MYT1: variants seen among roughly 807,000 people sequenced by gnomAD.
The protein encoded by MYT1 is myelin transcription factor I.
Under a neutral mutation model 123.0 loss-of-function variants are expected in MYT1, and 23 were observed. The ratio of observed to expected loss-of-function variants is 0.19; its 90% CI spans 0.13 to 0.26. The LOEUF (loss-of-function observed/expected upper bound fraction) is 0.26, where lower values mean the gene tolerates loss of function less well. MYT1 is among the 10% of genes least tolerant of loss of function. The probability of loss-of-function intolerance (pLI) is 1.00; values close to 1 mark genes in which losing one functional copy is unlikely to be tolerated. For synonymous variants in MYT1, 518 were observed against 575.3 expected (o/e 0.90, Z 1.43); for missense variants, 1,125 against 1,472.5 (o/e 0.76, Z 3.86).
chr20:64,205,431 A>C (rs1160040623), intron 5 of MYT1, 122 bp from the exon 6 acceptor site: 2 of 1,445,452 alleles, frequency 1.4e-6, no homozygotes, highest in Admixed American at 4.4e-5. Flanking sequence ...GGTTCCCTGC[A>C]AGGACTGGAT....
At chr20:64,211,098 C>T (rs1983653236) in intron 7 of MYT1, 108 bp from the exon 8 acceptor site, 3 of 1,293,970 alleles carry the variant, frequency 2.3e-6, no homozygotes, top group East Asian at 5.0e-5. Flanking sequence ...GCAGTCTCGC[C>T]TCCCTTCTCT....
In MYT1 at chr20:64,193,144, A is replaced by T. The variant is rs917570704; in HGVS notation, c.-1+2984A>T. ...TTCAGAATTTCAGACATGCAACAGG[A>T]CATCACCCAATGTGAGGACAGAACT... On this transcript the variant is annotated intron_variant, in intron 2 of 22. Transcript: ENST00000328439. This position sits in a 1 kb window ranked among gnomAD's most constrained non-coding sequence, Gnocchi z 4.0. Among the ~76,000 whole-genome samples the T allele has an allele frequency of 1.3e-5, 2 of 152,206 alleles. No individual in the cohort carries two copies. The highest frequency in any genetic ancestry group is 2.9e-5 in the Non-Finnish European group (2 of 68,036).
rs146209139 is a variant in MYT1, at chr20:64,210,344, T to C, written c.1292-862T>C. 1.0e-3 allele frequency among the ~76,000 whole-genome samples: 156 copies of C among 152,282 alleles called. 1 individual carries two copies. Among genetic ancestry groups the C allele is most frequent in the African/African-American group, 3.7e-3 (152 of 41,546 alleles). On this transcript the variant is annotated intron_variant, in intron 7 of 22. Coordinates refer to ENST00000328439, the MANE Select transcript of MYT1 (RefSeq NM_004535.3). ...TGCGGTTCTGGTTCTGAGGGACTGATGTTGGGGCACAGATGCTGCGAGAAT... is the reference window on the plus strand; with the variant it reads ...TGCGGTTCTGGTTCTGAGGGACTGACGTTGGGGCACAGATGCTGCGAGAAT...
chr20:64,230,702 C>T (rs915391545), intron 18 of MYT1, among the ~76,000 whole-genome samples: 2 of 152,326 alleles, frequency 1.3e-5, no homozygotes, highest in African/African-American at 4.8e-5. Context: ...GTGAACTTCC[C>T]AAAGCTCCCA....
intron 13 of MYT1, among the ~76,000 whole-genome samples, chr20:64,221,063 G>T (rs1983987280): frequency 6.6e-6 from 1 of 152,202 alleles, no homozygotes; most frequent in Non-Finnish European, 1.5e-5. Context: ...ATTATCCGAA[G>T]ACTGTTATTA....
rs1424517544 is a variant in MYT1, at chr20:64,196,723, T to C, written c.1-2139T>C. On this transcript the variant is annotated intron_variant, in intron 2 of 22. Transcript: ENST00000328439. The surrounding 1 kb of genome is among the most constrained non-coding windows in gnomAD (Gnocchi z 4.3). ...CAGAAGGAGCGGCAGAGCTGTCAGC[T>C]TCATCAACGGGAGCTCACAGTTTTC... is the stretch of plus-strand genomic sequence containing the variant. 6.6e-6 allele frequency among the ~76,000 whole-genome samples: 1 copy of C among 152,116 alleles called. No individual in the cohort carries two copies. Among genetic ancestry groups the C allele is most frequent in the African/African-American group, 2.4e-5 (1 of 41,366 alleles).
chr20:64,194,862 G>A (rs1983062042), intron 2 of MYT1, among the ~76,000 whole-genome samples: 1 of 152,136 alleles, frequency 6.6e-6, no homozygotes, highest in Non-Finnish European at 1.5e-5. Context: ...TTAGACACGA[G>A]TGGTTTGTTA....
Position 64,208,399 on chromosome 20 carries a change from G to A in MYT1, c.1203G>A (p.Pro401=), listed in dbSNP as rs141506407. 8 of 1,613,446 alleles carry A rather than the reference G, an allele frequency of 5.0e-6. No homozygotes were observed. The African/African-American group carries it at 5.3e-5, about 11-fold the overall frequency. The part of the protein sequence containing the change: ...QVRTVCEPGC[P]PAEQSQLGLG... ...GCACAGTCTGCGAGCCGGGCTGCCC[G>A]CCTGCCGAGCAGAGCCAGCTGGGCC... The change falls in exon 7 of 23, where the codon CCG becomes CCA. Residue 401 remains proline (P), a synonymous_variant. Transcript: ENST00000328439. This position sits in a 1 kb window ranked among gnomAD's most constrained non-coding sequence, Gnocchi z 5.4.
intron 1 of MYT1, among the ~76,000 whole-genome samples, chr20:64,170,904 G>T (rs1412836123): frequency 4.5e-4 from 54 of 120,592 alleles, no homozygotes; most frequent in Non-Finnish European, 5.7e-4. Flanking sequence ...GAGAGAGAGA[G>T]AGAGAGAGAG....
Position 64,241,426 on chromosome 20 carries a change from A to G in MYT1, c.*978A>G, listed in dbSNP as rs1020496194. The G allele has an allele frequency of 1.3e-5, 2 of 152,610 alleles. No individual in the cohort carries two copies. The highest frequency in any genetic ancestry group is 2.9e-5 in the Non-Finnish European group (2 of 68,046). 9.5% of individuals were successfully genotyped at this position (152,610 alleles called of 1,614,324 possible). ...TTTAATTTAATGTGTTAAAAACACAATGTCCCTACCGTGTAAATAGAATCC... is the reference window on the plus strand; with the variant it reads ...TTTAATTTAATGTGTTAAAAACACAGTGTCCCTACCGTGTAAATAGAATCC... On this transcript the variant is annotated 3_prime_UTR_variant, in exon 23 of 23. Coordinates refer to ENST00000328439, the MANE Select transcript of MYT1 (RefSeq NM_004535.3). This position sits in a 1 kb window ranked among gnomAD's most constrained non-coding sequence, Gnocchi z 4.2.
Position 64,218,868 on chromosome 20 carries a change from C to T in MYT1, c.1847-43C>T. The T allele has an allele frequency of 6.2e-7, 1 of 1,612,280 alleles. No homozygotes were observed. On this transcript the variant is annotated intron_variant, in intron 11 of 22. Transcript: ENST00000328439. This position sits in a 1 kb window ranked among gnomAD's most constrained non-coding sequence, Gnocchi z 4.0. ...AAAGGCCTCTTCCCCCAGGCACAGC[C>T]CCTCCAGTAGTTATGTGAGGAGCAC... is the stretch of plus-strand genomic sequence containing the variant.
chr20:64,214,193 CAGT>C (rs1983769157), intron 10 of MYT1, among the ~76,000 whole-genome samples: 1 of 152,208 alleles, frequency 6.6e-6, no homozygotes, highest in African/African-American at 2.4e-5. Context: ...TCTGAGATCA[CAGT>C]AGGTGTGTGT....
intron 1 of MYT1, among the ~76,000 whole-genome samples, chr20:64,187,536 C>T (rs1461582282): frequency 6.6e-6 from 1 of 152,182 alleles, no homozygotes; most frequent in African/African-American, 2.4e-5. Context: ...GGCACGTGGC[C>T]CCGGCATGTT....
rs1287377199 is a variant in MYT1, at chr20:64,228,121, T to C, written c.2675+150T>C. ...ACGCCAACTTTCGTTTCTTTCATTTTTATGGAAGCTCTCATACGCTACACG... is the reference window on the plus strand; with the variant it reads ...ACGCCAACTTTCGTTTCTTTCATTTCTATGGAAGCTCTCATACGCTACACG... On this transcript the variant is annotated intron_variant, in intron 18 of 22. Coordinates refer to ENST00000328439, the MANE Select transcript of MYT1 (RefSeq NM_004535.3). 22 of 713,876 alleles carry C rather than the reference T, an allele frequency of 3.1e-5. No individual in the cohort carries two copies. The Admixed American group carries it at 5.8e-4, about 19-fold the overall frequency. The allele number at this position is 713,876 out of a possible 1,614,324, so 44.2% of individuals were successfully genotyped here. A position where few individuals can be genotyped will look rare whatever the true frequency, so the allele number is the denominator to read the frequency against.
chr20:64,173,055 A>G (rs1982334345), intron 1 of MYT1, among the ~76,000 whole-genome samples: 1 of 151,998 alleles, frequency 6.6e-6, no homozygotes, highest in Non-Finnish European at 1.5e-5. Context: ...CTTATCTTGC[A>G]TCTGGAATAC....
At position 64,235,749 on chromosome 20, in the gene MYT1, C is replaced by A. The variant is rs529722112; in HGVS notation, c.2898-806C>A. 8.8e-5 allele frequency among the ~76,000 whole-genome samples: 11 copies of A among 124,980 alleles called. No individual in the cohort carries two copies. The South Asian group carries it at 1.1e-3, about 13-fold the overall frequency. The allele number at this position is 124,980 out of a possible 152,430, so 82.0% of individuals were successfully genotyped here. ...ACCCTTGGCTGGCTGTGGTGGGTGA[C>A]CCTTGGATGGCTGTGGTGGGTGACC... On this transcript the variant is annotated intron_variant, in intron 19 of 22. Transcript: ENST00000328439.
rs1352498309 is a variant in MYT1 at position 64,232,943 on chromosome 20, C to T, written c.2897+558C>T. Among the ~76,000 whole-genome samples, 2 of 151,886 alleles carry T rather than the reference C, an allele frequency of 1.3e-5. No homozygotes were observed. Among genetic ancestry groups the T allele is most frequent in the Non-Finnish European group, 2.9e-5 (2 of 67,934 alleles). ...GCAGCATTCACCAACTCTCGCCTGC[C>T]CTCCAACACCTGCTCCAGAGCCGAA... is the stretch of plus-strand genomic sequence containing the variant. On this transcript the variant is annotated intron_variant, in intron 19 of 22. Coordinates refer to ENST00000328439, the MANE Select transcript of MYT1 (RefSeq NM_004535.3). This position sits in a 1 kb window ranked among gnomAD's most constrained non-coding sequence, Gnocchi z 6.9.
Position 64,231,222 on chromosome 20 carries a change from G to T in MYT1, c.2676-942G>T, listed in dbSNP as rs529836634. Among the ~76,000 whole-genome samples, 8 of 152,188 alleles carry T rather than the reference G, an allele frequency of 5.3e-5. No individual in the cohort carries two copies. The highest frequency in any genetic ancestry group is 1.2e-4 in the Non-Finnish European group (8 of 68,028). On this transcript the variant is annotated intron_variant, in intron 18 of 22. Transcript: ENST00000328439. The surrounding 1 kb of genome is among the most constrained non-coding windows in gnomAD (Gnocchi z 6.4). Reference sequence around the variant, plus strand: ...TTTGGATGAGTTTCATTTATGAAGAGATAAGAATGAGCCTTGCAGATTGAA... The same window carrying T: ...TTTGGATGAGTTTCATTTATGAAGATATAAGAATGAGCCTTGCAGATTGAA...
At position 64,199,959 on chromosome 20, in the gene MYT1, A is replaced by G. The variant is rs1983244435; in HGVS notation, c.86+37A>G. 7 of 1,610,204 alleles carry G rather than the reference A, an allele frequency of 4.3e-6. No individual in the cohort carries two copies. In the African/African-American group the frequency reaches 5.3e-5, roughly 12 times the overall value. On this transcript the variant is annotated intron_variant, in intron 4 of 22. Coordinates refer to ENST00000328439, the MANE Select transcript of MYT1 (RefSeq NM_004535.3). ...TTCCTGTTAGCACCAAGCATCGTCT[A>G]TGTGCCTGTGACCCTGGAGATATCC...
Sources: gnomAD v4.1 joint callset for allele counts (sites outside exome capture counted in the v4.1 genomes callset) on GRCh38, gnomAD v4.1.1 for gene constraint, Gnocchi (gnomAD v3.1) non-coding constraint, MANE v1.5 for transcripts, NCBI Gene and HGNC (gene_info 2026-07-23, HGNC 2026-07-21) for gene names.